Variants in HRH1 observed in about 807,000 individuals in gnomAD.
HRH1 encodes histamine receptor H1.
A neutral mutation model predicts 10.3 loss-of-function variants in HRH1; 6 were observed. The ratio of observed to expected loss-of-function variants is 0.58; its 90% CI spans 0.32 to 1.15. HRH1 has a LOEUF of 1.15. Among genes scored for constraint, HRH1 ranks in the 50% most tolerant of loss-of-function variants. The probability of loss-of-function intolerance (pLI) is 0.05; values close to 1 mark genes in which losing one functional copy is unlikely to be tolerated. For synonymous variants in HRH1, 242 were observed against 236.7 expected, an observed-to-expected ratio of 1.02 and a Z score of -0.21; for missense variants, 514 against 615.3, an observed-to-expected ratio of 0.84 and a Z score of 1.74.
chr3:11,168,866 G>A (rs1343036241), intron 1 of HRH1, among the ~76,000 whole-genome samples: 1 of 152,198 alleles, frequency 6.6e-6, no homozygotes, highest in Non-Finnish European at 1.5e-5. Context: ...GGAGATGAAG[G>A]GAAAGACCCC....
chr3:11,204,252 G>C (rs890557455), intron 1 of HRH1, among the ~76,000 whole-genome samples: 1 of 152,140 alleles, frequency 6.6e-6, no homozygotes, highest in African/African-American at 2.4e-5. Flanking sequence ...CACAATAGAA[G>C]TGTTCTCTGC....
At chr3:11,245,229 T>G (rs1388512997) in intron 1 of HRH1, among the ~76,000 whole-genome samples, 3 of 152,094 alleles carry the variant, frequency 2.0e-5, no homozygotes, top group African/African-American at 7.2e-5. Context: ...GCTGCACACC[T>G]GTAGTCCCAG....
intron 1 of HRH1, among the ~76,000 whole-genome samples, chr3:11,199,309 T>A (rs1257418631): frequency 6.6e-6 from 1 of 152,142 alleles, no homozygotes; most frequent in Admixed American, 6.5e-5. Flanking sequence ...TGAGCAACTC[T>A]CCTTAGAGTC....
At chr3:11,201,046 A>C (rs1937886474) in intron 1 of HRH1, among the ~76,000 whole-genome samples, 1 of 152,218 alleles carries the variant, frequency 6.6e-6, no homozygotes, top group African/African-American at 2.4e-5. Context: ...CCCTGCCCTC[A>C]AAATGCTGTG....
At chr3:11,139,269 G>C (rs1247609316) in intron 1 of HRH1, among the ~76,000 whole-genome samples, 1 of 150,314 alleles carries the variant, frequency 6.7e-6, no homozygotes, top group African/African-American at 2.5e-5. Context: ...TTACAGGAAC[G>C]AGCCGCCCGC....
At chr3:11,179,069 C>T (rs1474762697) in intron 1 of HRH1, among the ~76,000 whole-genome samples, 1 of 152,194 alleles carries the variant, frequency 6.6e-6, no homozygotes. Flanking sequence ...AGACAGATCA[C>T]CTGAGGTCAG....
intron 1 of HRH1, among the ~76,000 whole-genome samples, chr3:11,257,565 A>G (rs957743947): frequency 6.6e-6 from 1 of 152,104 alleles, no homozygotes; most frequent in Non-Finnish European, 1.5e-5. Context: ...ATCTCAAAAA[A>G]AAAAAAAAAA....
rs200099748 is a variant in HRH1, at chr3:11,262,422, A to G, written c.*1921A>G. Reference sequence around the variant, plus strand: ...CTTTGGTTTCTCATCACATTTGTAAATGTCTTTTCAAAAGGATTTACTTTT... The same window carrying G: ...CTTTGGTTTCTCATCACATTTGTAAGTGTCTTTTCAAAAGGATTTACTTTT... On this transcript the variant is annotated 3_prime_UTR_variant, in exon 2 of 2. Transcript: ENST00000431010. 1 of 167,094 alleles carries G rather than the reference A, an allele frequency of 6.0e-6. No homozygotes were observed. The highest frequency in any genetic ancestry group is 1.5e-5 in the Non-Finnish European group (1 of 68,116). The allele number at this position is 167,094 out of a possible 1,614,324, so 10.4% of individuals were successfully genotyped here. A position where few individuals can be genotyped will look rare whatever the true frequency, so the allele number is the denominator to read the frequency against.
At chr3:11,205,700 T>C (rs1405760244) in intron 1 of HRH1, among the ~76,000 whole-genome samples, 3 of 151,842 alleles carry the variant, frequency 2.0e-5, no homozygotes, top group Non-Finnish European at 2.9e-5. Context: ...CTCGTTCTGT[T>C]GCCCAGGCTG....
chr3:11,225,885 G>T (rs1028740670), intron 1 of HRH1: 1 of 152,316 alleles, frequency 6.6e-6, no homozygotes, highest in African/African-American at 2.4e-5. Context: ...ATTGAGGTCT[G>T]TGCAGAGTTC....
intron 1 of HRH1, among the ~76,000 whole-genome samples, chr3:11,195,443 T>C (rs1277619157): frequency 6.6e-6 from 1 of 152,200 alleles, no homozygotes; most frequent in Non-Finnish European, 1.5e-5. Context: ...GAGGCATATC[T>C]GCCATGTGGT....
At chr3:11,205,526 G>A (rs1271745605) in intron 1 of HRH1, among the ~76,000 whole-genome samples, 1 of 152,182 alleles carries the variant, frequency 6.6e-6, no homozygotes, top group Non-Finnish European at 1.5e-5. Flanking sequence ...GCTGCCATGA[G>A]GCTGAAATTG....
intron 1 of HRH1, among the ~76,000 whole-genome samples, chr3:11,182,162 T>C (rs1470858841): frequency 6.6e-6 from 1 of 151,714 alleles, no homozygotes; most frequent in Admixed American, 6.6e-5. Context: ...TTTGTATTTT[T>C]AGTAGAGACA....
In HRH1 at chr3:11,154,637, C is replaced by A. The variant is rs1404164185; in HGVS notation, c.-36+83C>A. On this transcript the variant is annotated intron_variant, in intron 1 of 1. Coordinates refer to ENST00000431010, the MANE Select transcript of HRH1 (RefSeq NM_001098212.2). The surrounding 1 kb of genome is among the most constrained non-coding windows in gnomAD (Gnocchi z 4.4). ...GCTGCGCGCTGGCCAGGCTGGGTTC[C>A]GGGCATCCCGGCAGGGCGGCCGGGA... 1 of 151,914 alleles carries A rather than the reference C, an allele frequency of 6.6e-6. No homozygotes were observed. The highest frequency in any genetic ancestry group is 1.5e-5 in the Non-Finnish European group (1 of 67,952). 9.4% of individuals were successfully genotyped at this position (151,914 alleles called of 1,614,324 possible). A position where few individuals can be genotyped will look rare whatever the true frequency, so the allele number is the denominator to read the frequency against.
chr3:11,188,569 T>C (rs1286051753), intron 1 of HRH1, among the ~76,000 whole-genome samples: 4 of 152,082 alleles, frequency 2.6e-5, no homozygotes, highest in Non-Finnish European at 4.4e-5. Flanking sequence ...AAGAAAAGAA[T>C]GAATCAGATA....
At chr3:11,251,419 C>T (rs1337894135) in intron 1 of HRH1, among the ~76,000 whole-genome samples, 2 of 152,172 alleles carry the variant, frequency 1.3e-5, no homozygotes, top group Non-Finnish European at 2.9e-5. Context: ...ATAAATAGTT[C>T]CTTCCTGGTT....
chr3:11,194,342 A>G (rs1024103835), intron 1 of HRH1, among the ~76,000 whole-genome samples: 4 of 152,204 alleles, frequency 2.6e-5, no homozygotes, highest in African/African-American at 7.2e-5. Flanking sequence ...AGGAATAACA[A>G]TTCCCACCCT....
chr3:11,249,549 G>T (rs967398237), intron 1 of HRH1, among the ~76,000 whole-genome samples: 3 of 152,150 alleles, frequency 2.0e-5, no homozygotes, highest in Non-Finnish European at 2.9e-5. Flanking sequence ...GCTCAAGGAA[G>T]GGTAAGAACC....
At chr3:11,171,962 G>C (rs1284383729) in intron 1 of HRH1, among the ~76,000 whole-genome samples, 2 of 152,182 alleles carry the variant, frequency 1.3e-5, no homozygotes. Flanking sequence ...AGATTTTGTA[G>C]GTGCTACTTG....
Sources: allele counts gnomAD v4.1 joint callset (sites outside exome capture counted in the v4.1 genomes callset), GRCh38; gene constraint gnomAD v4.1.1; non-coding constraint Gnocchi (gnomAD v3.1); transcripts MANE v1.5; gene names NCBI Gene and HGNC (gene_info 2026-07-23, HGNC 2026-07-21).